The following NUTM1 variants were observed in gnomAD, a reference collection of about 807,000 sequenced individuals.
NUTM1 encodes the protein NUT midline carcinoma family member 1, also known as NUT family member 1.
In NUTM1, 39 loss-of-function variants were observed where a neutral mutation model predicts 88.7. The observed-to-expected ratio is 0.44, with a 90% CI of 0.34 to 0.57. The LOEUF (loss-of-function observed/expected upper bound fraction) is 0.57. Among genes scored for constraint, NUTM1 ranks in the 20% least tolerant of loss-of-function variants. The probability of loss-of-function intolerance (pLI) is 0.01; values close to 1 mark genes in which losing one functional copy is unlikely to be tolerated. For synonymous variants in NUTM1, 494 were observed against 538.0 expected (o/e 0.92, Z 1.13); for missense variants, 1,350 against 1,414.5 (o/e 0.95, Z 0.73).
At chr15:34,351,084 C>T (rs1165810009) in intron 4 of NUTM1, among the ~76,000 whole-genome samples, 4 of 151,036 alleles carry the variant, frequency 2.6e-5, no homozygotes, top group South Asian at 2.1e-4. Context: ...AAAAATTAGC[C>T]GGGCATGGTG....
At chr15:34,352,549 A>G (rs922086521) in intron 4 of NUTM1, among the ~76,000 whole-genome samples, 3 of 151,708 alleles carry the variant, frequency 2.0e-5, no homozygotes, top group African/African-American at 7.3e-5. Context: ...CTGTAATCCC[A>G]GCATTTTGGG....
At position 34,348,275 on chromosome 15, in the gene NUTM1, T is replaced by A. The variant is rs1272140012; in HGVS notation, c.407T>A (p.Ile136Asn). 1.2e-6 allele frequency: 2 copies of A among 1,614,100 alleles called. No individual in the cohort carries two copies. Among genetic ancestry groups the A allele is most frequent in the East Asian group, 4.5e-5 (2 of 44,896 alleles). The change falls in exon 3 of 8, where the codon ATC (isoleucine) becomes AAC (asparagine). Residue 136 changes from isoleucine (I) to asparagine (N), a missense_variant. By Grantham distance (149) the Ile-to-Asn change is moderately radical (BLOSUM62 -3). Around this residue, in one of 5 missense-constraint regions of NUTM1, gnomAD observed 399 missense variants for 397.9 expected, o/e 1.00. Coordinates refer to ENST00000537011, the MANE Select transcript of NUTM1 (RefSeq NM_001284292.2). ...SAEPSQTQNF[I>N]LTQTALNSTA... ...GAGCCCTCTCAAACTCAGAACTTTA[T>A]CCTTACTCAGACTGCCCTCAATTCG...
chr15:34,355,469 A>G lies in NUTM1; in HGVS notation c.1480-19A>G, dbSNP rs757693918. The G allele has an allele frequency of 5.6e-6, 9 of 1,613,448 alleles. No individual in the cohort carries two copies. The highest frequency in any genetic ancestry group is 2.2e-5 in the East Asian group (1 of 44,858). ...TTCACAACCACGTATAGAACTGACT[A>G]TTTGTTCATTTCTTTCAGCTGGTCC... On this transcript the variant is annotated intron_variant, in intron 7 of 7. Transcript: ENST00000537011. This position sits in a 1 kb window ranked among gnomAD's most constrained non-coding sequence, Gnocchi z 4.3.
chr15:34,354,731 A>G lies in NUTM1; in HGVS notation c.1361A>G (p.Lys454Arg). 1.2e-6 allele frequency: 2 copies of G among 1,614,088 alleles called. No individual in the cohort carries two copies. The highest frequency in any genetic ancestry group is 1.7e-6 in the Non-Finnish European group (2 of 1,179,990). ...TGTTCTCAGAAGGTCTTTGTCTCCA[A>G]GGTGAGCTGGGCCTGCACATCTTGT... The part of the protein sequence containing the change: ...ELCSQKVFVS[K>R]VEAVIHPQFL... The change falls in exon 6 of 8, where the codon AAG becomes AGG. Residue 454 changes from lysine to arginine, a missense_variant and splice_region_variant. Lys to Arg is a conservative substitution (Grantham distance 26). Transcript: ENST00000537011.
Position 34,355,089 on chromosome 15 carries a change from G to A in NUTM1, c.1431G>A (p.Leu477=). ...CCCCAGAAAAACAGAGAGATCCCTT[G>A]GCCTTAATTGAGGAGCTAGAGCAAG... is the stretch of plus-strand genomic sequence containing the variant. The part of the protein sequence containing the change: ...LLSPEKQRDP[L]ALIEELEQEE... Residue 477 remains leucine (L), a synonymous_variant, in exon 7 of 8, where the codon TTG becomes TTA. Coordinates refer to ENST00000537011, the MANE Select transcript of NUTM1 (RefSeq NM_001284292.2). This position sits in a 1 kb window ranked among gnomAD's most constrained non-coding sequence, Gnocchi z 4.3. 6.2e-7 allele frequency: 1 copy of A among 1,614,026 alleles called. No individual in the cohort carries two copies. Among genetic ancestry groups the A allele is most frequent in the East Asian group, 2.2e-5 (1 of 44,886 alleles).
At position 34,350,012 on chromosome 15, in the gene NUTM1, G is replaced by A. The variant is rs1330503822; in HGVS notation, c.810-692G>A. Among the ~76,000 whole-genome samples the A allele has an allele frequency of 2.6e-5, 4 of 152,204 alleles. No individual in the cohort carries two copies. The East Asian group carries it at 7.7e-4, about 29-fold the overall frequency. On this transcript the variant is annotated intron_variant, in intron 3 of 7. Coordinates refer to ENST00000537011, the MANE Select transcript of NUTM1 (RefSeq NM_001284292.2). ...TGGGAAGCTCCTAAAATGCTCAGTT[G>A]TGGGATCCTGGGGAGCTGCAAGTTG... is the stretch of plus-strand genomic sequence containing the variant.
At chr15:34,352,134 C>A (rs1354585014) in intron 4 of NUTM1, among the ~76,000 whole-genome samples, 5 of 152,160 alleles carry the variant, frequency 3.3e-5, no homozygotes, top group Non-Finnish European at 7.3e-5. Flanking sequence ...TGTGCCATTG[C>A]ACTCCAGCCT....
chr15:34,347,710 G>A (rs373847635), intron 2 of NUTM1, among the ~76,000 whole-genome samples: 17 of 152,152 alleles, frequency 1.1e-4, no homozygotes, highest in African/African-American at 3.6e-4. Flanking sequence ...AAAGTTAGCC[G>A]GGCGTGGTGG....
chr15:34,352,826 A>G (rs1347875088), intron 4 of NUTM1, among the ~76,000 whole-genome samples: 1 of 150,024 alleles, frequency 6.7e-6, no homozygotes. Context: ...ACAAGTACTG[A>G]AAGCCCTCAC....
In NUTM1 at chr15:34,348,601, T is replaced by A. The variant is rs1420465275; in HGVS notation, c.733T>A (p.Trp245Arg). The change falls in exon 3 of 8, where the codon TGG becomes AGG. Residue 245 changes from tryptophan to arginine, a missense_variant. Physicochemically the swap from Trp to Arg is moderately radical, Grantham distance 101. Around this residue, in one of 5 missense-constraint regions of NUTM1, gnomAD observed 399 missense variants for 397.9 expected, o/e 1.00. Transcript: ENST00000537011. ...GGACGTTTATGAGAACTTCCGTCAGTGGCAGCGTTACAAAGCCTTGGCCCG... is the reference window on the plus strand; with the variant it reads ...GGACGTTTATGAGAACTTCCGTCAGAGGCAGCGTTACAAAGCCTTGGCCCG... Reference protein sequence around the residue: ...SKDVYENFRQWQRYKALARRH... With the variant: ...SKDVYENFRQRQRYKALARRH... 6.2e-7 allele frequency: 1 copy of A among 1,612,076 alleles called. No individual in the cohort carries two copies. The highest frequency in any genetic ancestry group is 1.1e-5 in the South Asian group (1 of 91,090).
In NUTM1 at chr15:34,350,847, C is replaced by T. The variant is rs763029566; in HGVS notation, c.938+15C>T. 27 of 1,613,602 alleles carry T rather than the reference C, an allele frequency of 1.7e-5. No individual in the cohort carries two copies. ...ATGGCAGAAAGGTGAGTTCGATGAA[C>T]CTTCATTCTCCTGAGGGAGGCTGTG... is the stretch of plus-strand genomic sequence containing the variant. On this transcript the variant is annotated intron_variant, in intron 4 of 7. Transcript: ENST00000537011.
In NUTM1 at chr15:34,343,389, T is replaced by G. The variant is rs557513847; in HGVS notation, c.-308T>G. On this transcript the variant is annotated 5_prime_UTR_variant, in exon 1 of 8. Coordinates refer to ENST00000537011, the MANE Select transcript of NUTM1 (RefSeq NM_001284292.2). The stretch of plus-strand genomic sequence containing the variant: ...GATAGAATATTGACGTATAGAAGCC[T>G]GTCTTTGTCTCAAGATACACACCCA... 9.8e-6 allele frequency: 6 copies of G among 609,194 alleles called. No homozygotes were observed. The highest frequency in any genetic ancestry group is 8.0e-5 in the South Asian group (4 of 50,108). The allele number at this position is 609,194 out of a possible 1,614,324, so 37.7% of individuals were successfully genotyped here.
rs754047563 is a variant in NUTM1, at chr15:34,356,644, T to G, written c.2636T>G (p.Leu879Arg). ...TTGCTAGAAAGTGGTGATTCCACACTGGGGTCTTCCAAAGAAACCCTTCCA... is the reference window on the plus strand; with the variant it reads ...TTGCTAGAAAGTGGTGATTCCACACGGGGGTCTTCCAAAGAAACCCTTCCA... ...FPLLESGDST[L>R]GSSKETLPPT... The change falls in exon 8 of 8, where the codon CTG (leucine) becomes CGG (arginine). Residue 879 changes from leucine to arginine, a missense_variant. By Grantham distance (102) the Leu-to-Arg change is moderately radical. This residue lies in a region of NUTM1 where 730 missense variants were observed against 728.8 expected (regional missense o/e 1.00). Coordinates refer to ENST00000537011, the MANE Select transcript of NUTM1 (RefSeq NM_001284292.2). The G allele has an allele frequency of 9.9e-6, 16 of 1,613,814 alleles. No homozygotes were observed. The highest frequency in any genetic ancestry group is 1.6e-4 in the Middle Eastern group (1 of 6,084).
chr15:34,357,216 G>A lies in NUTM1; in HGVS notation c.3208G>A (p.Ala1070Thr), dbSNP rs772480202. ...PREHPLSPHH[A>T]SGGQGSQRAS... is the part of the protein sequence containing the mutation. ...GGAGCATCCCCTCAGTCCTCACCAT[G>A]CCTCAGGAGGTCAGGGCAGCCAGAG... Residue 1070 changes from alanine to threonine, a missense_variant, in exon 8 of 8, where the codon GCC becomes ACC. Ala to Thr is a moderately conservative substitution (Grantham distance 58). Transcript: ENST00000537011. The A allele has an allele frequency of 6.2e-7, 1 of 1,614,140 alleles. No homozygotes were observed.
Position 34,347,961 on chromosome 15 carries a change from C to T in NUTM1, c.101-8C>T. On this transcript the variant is annotated splice_polypyrimidine_tract_variant and splice_region_variant and intron_variant, in intron 2 of 7. Transcript: ENST00000537011. The stretch of plus-strand genomic sequence containing the variant: ...TACTCCATTTCTTCTTTTTCTTTGT[C>T]TCAACAGCATCTGCATTGCCGGGAC... The T allele has an allele frequency of 6.4e-7, 1 of 1,571,172 alleles. No homozygotes were observed. The highest frequency in any genetic ancestry group is 1.8e-5 in the Admixed American group (1 of 56,394).
chr15:34,354,759 C>G, intron 6 of NUTM1, 27 bp downstream of exon 6: 1 of 1,611,066 alleles, frequency 6.2e-7, no homozygotes. Flanking sequence ...CATCTTGTTT[C>G]TAGCAGATCC....
chr15:34,345,788 C>G (rs1211520150), intron 1 of NUTM1, 154 bp from the exon 2 acceptor site: 1 of 1,089,926 alleles, frequency 9.2e-7, no homozygotes, highest in Non-Finnish European at 1.3e-6. Context: ...TTCATACTTA[C>G]TAGAACCCTT....
At position 34,354,623 on chromosome 15, in the gene NUTM1, G is replaced by A. The variant is rs770094107; in HGVS notation, c.1253G>A (p.Gly418Glu). ...CACTTGGCCACTGGGGAGTCAGATG[G>A]AAAACAAGAGGAAGAAGGGCAGCAG... ...GTHLATGESDGKQEEEGQQQE... is the reference protein window; with the variant it reads ...GTHLATGESDEKQEEEGQQQE... Residue 418 changes from glycine to glutamate, a missense_variant, in exon 6 of 8, where the codon GGA becomes GAA. Gly to Glu is a moderately conservative substitution (Grantham distance 98). This residue lies in a region of NUTM1 where 126 missense variants were observed against 189.8 expected (regional missense o/e 0.66). Transcript: ENST00000537011. 5.6e-6 allele frequency: 9 copies of A among 1,614,070 alleles called. No individual in the cohort carries two copies. The African/African-American group carries it at 1.2e-4, about 22-fold the overall frequency.
intron 4 of NUTM1, among the ~76,000 whole-genome samples, chr15:34,351,033 A>G (rs1158062810): frequency 6.6e-6 from 1 of 151,930 alleles, no homozygotes; most frequent in East Asian, 1.9e-4. Context: ...AGCCTGGCCA[A>G]CATGGCGAAA....
Sources: gnomAD v4.1 joint callset for allele counts (sites outside exome capture counted in the v4.1 genomes callset) on GRCh38, gnomAD v4.1.1 for gene constraint, gnomAD v4.1.1 regional missense constraint, Gnocchi (gnomAD v3.1) non-coding constraint, MANE v1.5 for transcripts, NCBI Gene and HGNC (gene_info 2026-07-23, HGNC 2026-07-21) for gene names.